LRBA: variants seen among roughly 807,000 people sequenced by gnomAD.
LRBA encodes the protein lipopolysaccharide-responsive and beige-like anchor protein.
LRBA carries 176 observed loss-of-function variants against 330.0 expected under a neutral mutation model. That is an observed-to-expected ratio of 0.53 (90% CI 0.47 to 0.60). The LOEUF (loss-of-function observed/expected upper bound fraction) is 0.60, where lower values mean the gene tolerates loss of function less well. Ranked by LOEUF, LRBA falls within the 20% of genes least tolerant of loss-of-function variation. The pLI, the probability that LRBA is intolerant of heterozygous loss-of-function variation, is 0.00. For synonymous variants in LRBA, 1,230 were observed against 1,193.0 expected, an observed-to-expected ratio of 1.03 and a Z score of -0.64; for missense variants, 3,259 against 3,444.8, an observed-to-expected ratio of 0.95 and a Z score of 1.35.
chr4:150,471,384 T>C (rs913178085), intron 43 of LRBA, among the ~76,000 whole-genome samples: 1 of 152,142 alleles, frequency 6.6e-6, no homozygotes, highest in African/African-American at 2.4e-5. Context: ...CACAGTACTT[T>C]GAGTTTTTTA....
chr4:150,340,988 T>C (rs1273583996), intron 48 of LRBA, among the ~76,000 whole-genome samples: 1 of 152,116 alleles, frequency 6.6e-6, no homozygotes, highest in Non-Finnish European at 1.5e-5. Context: ...ATGATCTGAC[T>C]TACAGTTTCA....
intron 47 of LRBA, among the ~76,000 whole-genome samples, chr4:150,360,316 T>TA (rs77442716): frequency 0.013 from 1,576 of 118,520 alleles, 25 homozygotes; most frequent in African/African-American, 0.043. Flanking sequence ...TTTTAAAAAG[T>TA]AAAAAAAAAA....
chr4:150,986,417 T>C (rs1414433287), intron 2 of LRBA, among the ~76,000 whole-genome samples: 2 of 152,166 alleles, frequency 1.3e-5, no homozygotes, highest in African/African-American at 2.4e-5. Context: ...AATATGTACA[T>C]AGACCTGAGG....
chr4:150,634,268 T>G (rs926319127), intron 37 of LRBA, among the ~76,000 whole-genome samples: 18 of 152,202 alleles, frequency 1.2e-4, no homozygotes, highest in African/African-American at 4.1e-4. Context: ...TCATAGCATT[T>G]TCACAACAGT....
At chr4:150,599,535 T>C (rs544052753) in intron 37 of LRBA, among the ~76,000 whole-genome samples, 2 of 152,326 alleles carry the variant, frequency 1.3e-5, no homozygotes, top group South Asian at 4.1e-4. Flanking sequence ...ATAAATATGG[T>C]ATAGCATTAC....
chr4:150,296,613 T>C (rs1430383852), intron 53 of LRBA, among the ~76,000 whole-genome samples: 1 of 152,096 alleles, frequency 6.6e-6, no homozygotes, highest in Non-Finnish European at 1.5e-5. Flanking sequence ...TAAATGAGCA[T>C]AGCACATAAA....
chr4:150,536,831 A>G (rs1002384877), intron 40 of LRBA, among the ~76,000 whole-genome samples: 1 of 152,204 alleles, frequency 6.6e-6, no homozygotes, highest in Non-Finnish European at 1.5e-5. Context: ...GAAATCAGAG[A>G]TCACACAAAC....
At chr4:150,559,919 T>TATA (rs1768075881) in intron 40 of LRBA, among the ~76,000 whole-genome samples, 1 of 70,466 alleles carries the variant, frequency 1.4e-5, no homozygotes, top group Non-Finnish European at 2.7e-5. Context: ...ATATAATATA[T>TATA]AAATATAAAT....
intron 28 of LRBA, among the ~76,000 whole-genome samples, chr4:150,843,713 T>C (rs901420429): frequency 3.3e-5 from 5 of 152,196 alleles, no homozygotes; most frequent in Middle Eastern, 3.2e-3. Context: ...TGAATCCTGA[T>C]TTTATCATTG....
chr4:150,975,789 G>A (rs1210659646), intron 2 of LRBA, among the ~76,000 whole-genome samples: 1 of 152,002 alleles, frequency 6.6e-6, no homozygotes, highest in Non-Finnish European at 1.5e-5. Context: ...AAAGAGGTAA[G>A]ATTGAAAAAA....
At chr4:150,757,832 C>T (rs988334644) in intron 35 of LRBA, among the ~76,000 whole-genome samples, 16 of 151,962 alleles carry the variant, frequency 1.1e-4, no homozygotes, top group Non-Finnish European at 1.0e-4. Flanking sequence ...TCTTAGCTTC[C>T]ACCACTGTTT....
chr4:150,506,979 T>C, intron 40 of LRBA, among the ~76,000 whole-genome samples: 1 of 151,810 alleles, frequency 6.6e-6, no homozygotes, highest in Non-Finnish European at 1.5e-5. Context: ...CATTCACAAT[T>C]GCTTCAAAGA....
rs187031084 is a variant in LRBA at position 150,774,986 on chromosome 4, G to C, written c.5581-13139C>G. Among the ~76,000 whole-genome samples the C allele has an allele frequency of 2.6e-3, 398 of 152,282 alleles. 2 individuals carry two copies. In the Middle Eastern group the frequency reaches 0.034, roughly 13 times the overall value. ...TCACCAATGTCATAGATCTGCTCCA[G>C]TCAAATCAGCATCACAGTTCTGCTT... On this transcript the variant is annotated intron_variant, in intron 34 of 56. Coordinates refer to ENST00000651943, the MANE Select transcript of LRBA (RefSeq NM_001364905.1).
At chr4:150,476,669 C>T (rs1048821470) in intron 42 of LRBA, among the ~76,000 whole-genome samples, 1 of 152,044 alleles carries the variant, frequency 6.6e-6, no homozygotes, top group African/African-American at 2.4e-5. Context: ...GTTAGTGCTC[C>T]TATAGAAAAA....
At chr4:150,660,482 G>A (rs1356801575) in intron 37 of LRBA, among the ~76,000 whole-genome samples, 2 of 151,852 alleles carry the variant, frequency 1.3e-5, no homozygotes, top group Admixed American at 1.3e-4. Flanking sequence ...GGGAGGTGGG[G>A]GGGGTCAGCC....
At chr4:150,820,187 T>G (rs1448595433) in intron 30 of LRBA, among the ~76,000 whole-genome samples, 1 of 151,982 alleles carries the variant, frequency 6.6e-6, no homozygotes, top group African/African-American at 2.4e-5. Context: ...AAATTTTAAA[T>G]AAAAACCTCA....
chr4:150,568,972 A>G (rs1187611514), intron 40 of LRBA, among the ~76,000 whole-genome samples: 1 of 152,174 alleles, frequency 6.6e-6, no homozygotes, highest in African/African-American at 2.4e-5. Flanking sequence ...TTATAAAAGC[A>G]TGTAACCTTG....
At chr4:150,592,625 CTTTA>C (rs1773031595) in intron 38 of LRBA, among the ~76,000 whole-genome samples, 2 of 151,978 alleles carry the variant, frequency 1.3e-5, no homozygotes. Flanking sequence ...ATTAAAGTGG[CTTTA>C]TTTATTTTTT....
At chr4:150,362,000 C>G (rs1025288364) in intron 47 of LRBA, among the ~76,000 whole-genome samples, 6 of 152,118 alleles carry the variant, frequency 3.9e-5, no homozygotes, top group Non-Finnish European at 5.9e-5. Flanking sequence ...TCTCGATCTC[C>G]TGACCTCATG....
Sources: gnomAD v4.1 joint callset for allele counts (sites outside exome capture counted in the v4.1 genomes callset) on GRCh38, gnomAD v4.1.1 for gene constraint, MANE v1.5 for transcripts, NCBI Gene and HGNC (gene_info 2026-07-23, HGNC 2026-07-21) for gene names.